Variants in WNT2 observed in about 807,000 individuals in gnomAD.
WNT2 encodes Wnt family member 2.
WNT2 carries 12 observed loss-of-function variants against 36.9 expected under a neutral mutation model. That is an observed-to-expected ratio of 0.33 (90% CI 0.21 to 0.53). The LOEUF (loss-of-function observed/expected upper bound fraction) is 0.53, where lower values mean the gene tolerates loss of function less well. Ranked by LOEUF, WNT2 falls within the 20% of genes least tolerant of loss-of-function variation. The probability of loss-of-function intolerance (pLI) is 0.95; values close to 1 mark genes in which losing one functional copy is unlikely to be tolerated. For missense variants in WNT2, 379 were observed against 473.1 expected (o/e 0.80, Z 1.84); for synonymous variants, 163 against 174.6 (o/e 0.93, Z 0.52).
At chr7:117,312,319 T>C (rs1020028551) in intron 3 of WNT2, among the ~76,000 whole-genome samples, 17 of 152,152 alleles carry the variant, frequency 1.1e-4, no homozygotes, top group African/African-American at 4.1e-4. Flanking sequence ...GCTGAATAGC[T>C]GTGGTAGTAG....
chr7:117,285,592 A>T (rs1298002424), intron 4 of WNT2, among the ~76,000 whole-genome samples: 2 of 152,360 alleles, frequency 1.3e-5, no homozygotes, highest in Admixed American at 1.3e-4. Context: ...AAACAAGTGT[A>T]GCTGGCTCTT....
At position 117,322,607 on chromosome 7, in the gene WNT2, C is replaced by G. The variant is rs564053320; in HGVS notation, c.83+300G>C. 3.3e-5 allele frequency among the ~76,000 whole-genome samples: 5 copies of G among 151,834 alleles called. No homozygotes were observed. The South Asian group carries it at 1.0e-3, about 32-fold the overall frequency. On this transcript the variant is annotated intron_variant, in intron 1 of 4. Transcript: ENST00000265441. This position sits in a 1 kb window ranked among gnomAD's most constrained non-coding sequence, Gnocchi z 5.4. ...AGAGCTGGAGACCAGGCTAGCACGT[C>G]TCTCAACAGGATAAGAAATTGGCTG... is the stretch of plus-strand genomic sequence containing the variant.
At chr7:117,280,138 A>G (rs1281935379) in intron 4 of WNT2, among the ~76,000 whole-genome samples, 1 of 152,076 alleles carries the variant, frequency 6.6e-6, no homozygotes, top group Admixed American at 6.5e-5. Flanking sequence ...TCATGAGGAC[A>G]GGAAGGATGG....
chr7:117,309,625 A>G (rs1218315873), intron 3 of WNT2, among the ~76,000 whole-genome samples: 1 of 152,212 alleles, frequency 6.6e-6, no homozygotes, highest in African/African-American at 2.4e-5. Flanking sequence ...GTGTATATGC[A>G]TAAGTATTTT....
rs907151695 is a variant in WNT2, at chr7:117,296,191, A to C, written c.853+1421T>G. Among the ~76,000 whole-genome samples the C allele has an allele frequency of 2.6e-5, 4 of 152,170 alleles. No homozygotes were observed. In the South Asian group the frequency reaches 8.3e-4, roughly 32 times the overall value. The stretch of plus-strand genomic sequence containing the variant: ...CAGGTTTCATGGTGATTTGGCTATA[A>C]CTTTGGCCTGACAGGTAGGATGACT... On this transcript the variant is annotated intron_variant, in intron 4 of 4. Coordinates refer to ENST00000265441, the MANE Select transcript of WNT2 (RefSeq NM_003391.3).
chr7:117,313,839 C>A (rs1010250463), intron 3 of WNT2, among the ~76,000 whole-genome samples: 18 of 152,150 alleles, frequency 1.2e-4, no homozygotes, highest in African/African-American at 3.9e-4. Context: ...TTCATAAATT[C>A]ATGAAAATTA....
chr7:117,320,890 A>G (rs537440270), intron 1 of WNT2, 97 bp from the exon 2 acceptor site: 1 of 1,032,448 alleles, frequency 9.7e-7, no homozygotes, highest in Non-Finnish European at 1.4e-6. Context: ...GCACTTTTCA[A>G]ATATGAATTC....
intron 3 of WNT2, among the ~76,000 whole-genome samples, chr7:117,305,807 G>T (rs1261038917): frequency 6.6e-6 from 1 of 152,118 alleles, no homozygotes; most frequent in Admixed American, 6.5e-5. Context: ...CAAATAGTTG[G>T]GACTACACAC....
chr7:117,283,919 A>G (rs1432855117), intron 4 of WNT2, among the ~76,000 whole-genome samples: 1 of 152,188 alleles, frequency 6.6e-6, no homozygotes, highest in Non-Finnish European at 1.5e-5. Context: ...TGATGAGAGA[A>G]CAGCAGTGAG....
Position 117,277,843 on chromosome 7 carries a change from G to C in WNT2, c.*312C>G, listed in dbSNP as rs1794407079. ...CTGCTCTAGAAAGAAGAAACGTCAA[G>C]GTGGGTGGAGACAGTGGTCTGGGCC... On this transcript the variant is annotated 3_prime_UTR_variant, in exon 5 of 5. Transcript: ENST00000265441. The C allele has an allele frequency of 2.9e-6, 1 of 343,050 alleles. No individual in the cohort carries two copies. Among genetic ancestry groups the C allele is most frequent in the South Asian group, 4.7e-5 (1 of 21,382 alleles). 21.3% of individuals were successfully genotyped at this position (343,050 alleles called of 1,614,324 possible). A position where few individuals can be genotyped will look rare whatever the true frequency, so the allele number is the denominator to read the frequency against.
At chr7:117,288,545 C>T (rs922788761) in intron 4 of WNT2, among the ~76,000 whole-genome samples, 1 of 152,162 alleles carries the variant, frequency 6.6e-6, no homozygotes, top group African/African-American at 2.4e-5. Context: ...ATTTTAACGT[C>T]ATCCTTTTGT....
chr7:117,289,051 C>A (rs1356165518), intron 4 of WNT2, among the ~76,000 whole-genome samples: 1 of 89,450 alleles, frequency 1.1e-5, no homozygotes, highest in Non-Finnish European at 2.1e-5. Context: ...TCACGTTAGA[C>A]TTTTTTTTTT....
Position 117,276,104 on chromosome 7 carries a change from T to C in WNT2, c.*2051A>G, listed in dbSNP as rs1056645473. Among the ~76,000 whole-genome samples the C allele has an allele frequency of 1.3e-5, 2 of 152,228 alleles. No homozygotes were observed. The highest frequency in any genetic ancestry group is 4.8e-5 in the African/African-American group (2 of 41,450). Reference sequence around the variant, plus strand: ...CTCAAGAGTGTGGTCCTATTTGTGATGGAGCATTGGGCAATGCCTGATATG... The same window carrying C: ...CTCAAGAGTGTGGTCCTATTTGTGACGGAGCATTGGGCAATGCCTGATATG... On this transcript the variant is annotated 3_prime_UTR_variant, in exon 5 of 5. Coordinates refer to ENST00000265441, the MANE Select transcript of WNT2 (RefSeq NM_003391.3).
chr7:117,320,600 C>T lies in WNT2; in HGVS notation c.277G>A (p.Asp93Asn). 6.2e-7 allele frequency: 1 copy of T among 1,613,876 alleles called. No individual in the cohort carries two copies. Among genetic ancestry groups the T allele is most frequent in the Non-Finnish European group, 8.5e-7 (1 of 1,179,916 alleles). Residue 93 changes from aspartate (D) to asparagine (N), a missense_variant, in exon 2 of 5, where the codon GAT becomes AAT. Physicochemically the swap from Asp to Asn is conservative, Grantham distance 23 (BLOSUM62 1). Coordinates refer to ENST00000265441, the MANE Select transcript of WNT2 (RefSeq NM_003391.3). ...HRWNCNTLDR[D>N]HSLFGRVLLR... is the part of the protein sequence containing the mutation. Reference sequence around the variant, plus strand: ...AGGACCCTGCCAAAAAGGCTGTGATCCCTGTCCAGGGTGTTGCAATTCCAG... The same window carrying T: ...AGGACCCTGCCAAAAAGGCTGTGATTCCTGTCCAGGGTGTTGCAATTCCAG...
intron 3 of WNT2, among the ~76,000 whole-genome samples, chr7:117,303,906 A>G (rs1303080601): frequency 6.6e-6 from 1 of 152,020 alleles, no homozygotes; most frequent in Non-Finnish European, 1.5e-5. Context: ...CCTGCTCGTC[A>G]CTTCTCCTCA....
intron 3 of WNT2, among the ~76,000 whole-genome samples, chr7:117,302,803 A>G (rs1282478781): frequency 6.6e-6 from 1 of 152,212 alleles, no homozygotes; most frequent in Non-Finnish European, 1.5e-5. Flanking sequence ...AATGTAGAAC[A>G]ATATATGTGG....
intron 3 of WNT2, among the ~76,000 whole-genome samples, chr7:117,305,351 G>T (rs932666457): frequency 6.6e-6 from 1 of 151,814 alleles, no homozygotes; most frequent in African/African-American, 2.4e-5. Context: ...TTCTCTAATC[G>T]TCACTTTTTC....
At chr7:117,315,012 G>A (rs1383132759) in intron 3 of WNT2, 59 bp downstream of exon 3, 1 of 1,584,208 alleles carries the variant, frequency 6.3e-7, no homozygotes, top group African/African-American at 1.3e-5. Flanking sequence ...GATAAGCTCT[G>A]CCTAAGTGGT....
At chr7:117,283,932 C>T (rs1794538651) in intron 4 of WNT2, among the ~76,000 whole-genome samples, 2 of 152,114 alleles carry the variant, frequency 1.3e-5, no homozygotes, top group South Asian at 2.1e-4. Context: ...GCAGTGAGGT[C>T]GCAGCCTGGA....
Sources: gnomAD v4.1 joint callset for allele counts (sites outside exome capture counted in the v4.1 genomes callset) on GRCh38, gnomAD v4.1.1 for gene constraint, Gnocchi (gnomAD v3.1) non-coding constraint, MANE v1.5 for transcripts, NCBI Gene and HGNC (gene_info 2026-07-23, HGNC 2026-07-21) for gene names.